GALNT14: variants seen among roughly 807,000 people sequenced by gnomAD.
GALNT14 encodes the protein UDP-GalNAc:polypeptide N-acetylgalactosaminyltransferase 14.
GALNT14 carries 60 observed loss-of-function variants against 77.5 expected under a neutral mutation model. The ratio of observed to expected loss-of-function variants is 0.77; its 90% confidence interval spans 0.63 to 0.96. The LOEUF (loss-of-function observed/expected upper bound fraction) is 0.96. GALNT14 is among the 40% of genes least tolerant of loss of function. GALNT14 has a pLI of 0.00. For missense variants in GALNT14, 710 were observed against 731.0 expected (o/e 0.97, Z 0.33); for synonymous variants, 280 against 281.7 (o/e 0.99, Z 0.06).
chr2:31,021,408 A>G (rs1671709942), intron 1 of GALNT14, among the ~76,000 whole-genome samples: 1 of 151,612 alleles, frequency 6.6e-6, no homozygotes, highest in Non-Finnish European at 1.5e-5. Flanking sequence ...GGGTTCAAGC[A>G]ATTCTCCTGC....
chr2:31,132,553 G>A (rs1453729213), intron 1 of GALNT14: 8 of 364,702 alleles, frequency 2.2e-5, no homozygotes, highest in African/African-American at 2.1e-5. Flanking sequence ...GCTACTTCTG[G>A]TCATGCCAGA....
intron 1 of GALNT14, among the ~76,000 whole-genome samples, chr2:31,035,093 T>C (rs1041897582): frequency 2.0e-5 from 3 of 152,238 alleles, no homozygotes; most frequent in Non-Finnish European, 4.4e-5. Flanking sequence ...GTTCTATAAG[T>C]ATCTATTAGG....
rs72854891 is a variant in GALNT14, at chr2:31,078,620, C to A, written c.129+59338G>T. Among the ~76,000 whole-genome samples, 1,115 of 152,340 alleles carry A rather than the reference C, an allele frequency of 7.3e-3. 10 individuals are homozygous for A. Among genetic ancestry groups the A allele is most frequent in the African/African-American group, 0.025 (1,056 of 41,588 alleles). The stretch of plus-strand genomic sequence containing the variant: ...TCAATCCCATTCACCTTGTGCTGTG[C>A]CTGGCTGATGTGAGCTGTCTTGAGG... On this transcript the variant is annotated intron_variant, in intron 1 of 14. Coordinates refer to ENST00000349752, the MANE Select transcript of GALNT14 (RefSeq NM_024572.4).
intron 13 of GALNT14, among the ~76,000 whole-genome samples, chr2:30,923,056 CTTTTTTTT>C (rs56163710): frequency 2.5e-4 from 29 of 116,536 alleles, no homozygotes; most frequent in African/African-American, 9.4e-4. Context: ...ACAAACGTGC[CTTTTTTTT>C]TTTTTTTTTT....
chr2:31,132,098 G>A (rs887853956), intron 1 of GALNT14, among the ~76,000 whole-genome samples: 1 of 152,140 alleles, frequency 6.6e-6, no homozygotes, highest in African/African-American at 2.4e-5. Flanking sequence ...CTGGGACAGG[G>A]CCTCCTGCAG....
intron 1 of GALNT14, among the ~76,000 whole-genome samples, chr2:31,050,634 G>C (rs1477666946): frequency 6.6e-6 from 1 of 152,174 alleles, no homozygotes; most frequent in Non-Finnish European, 1.5e-5. Context: ...ATCTGTGCTG[G>C]TGTTTTACTT....
intron 1 of GALNT14, among the ~76,000 whole-genome samples, chr2:31,108,414 TC>T (rs2148622001): frequency 6.6e-6 from 1 of 152,354 alleles, no homozygotes; most frequent in East Asian, 1.9e-4. Context: ...CGTCACCCGC[TC>T]AATTACACAG....
chr2:30,953,991 G>A (rs1237725979), intron 6 of GALNT14, among the ~76,000 whole-genome samples: 1 of 152,194 alleles, frequency 6.6e-6, no homozygotes, highest in Non-Finnish European at 1.5e-5. Context: ...GCTATTAGGG[G>A]AGGCAGAGGA....
At chr2:30,959,328 C>A (rs911410632) in intron 3 of GALNT14, among the ~76,000 whole-genome samples, 1 of 152,186 alleles carries the variant, frequency 6.6e-6, no homozygotes, top group Admixed American at 6.5e-5. Flanking sequence ...AGGGAAATAT[C>A]CCAGGGCAAG....
chr2:30,910,750 G>C lies in GALNT14; in HGVS notation c.*151C>G. On this transcript the variant is annotated 3_prime_UTR_variant, in exon 15 of 15. Coordinates refer to ENST00000349752, the MANE Select transcript of GALNT14 (RefSeq NM_024572.4). ...TGTGATGTTTTCCTCTGTCCTCCCT[G>C]AGACAGTTGCTCCTGTCCTGGGGGG... 1 of 733,122 alleles carries C rather than the reference G, an allele frequency of 1.4e-6. No individual in the cohort carries two copies. The highest frequency in any genetic ancestry group is 1.8e-5 in the African/African-American group (1 of 56,250). 45.4% of individuals were successfully genotyped at this position (733,122 alleles called of 1,614,324 possible).
chr2:30,969,243 C>T (rs1036115678), intron 2 of GALNT14, among the ~76,000 whole-genome samples: 2 of 152,202 alleles, frequency 1.3e-5, no homozygotes, highest in African/African-American at 2.4e-5. Flanking sequence ...TGTCCAATGG[C>T]CAGGCCTGAA....
At chr2:30,963,454 C>A (rs1243383870) in intron 3 of GALNT14, among the ~76,000 whole-genome samples, 1 of 152,168 alleles carries the variant, frequency 6.6e-6, no homozygotes, top group Non-Finnish European at 1.5e-5. Context: ...ATCATTAATA[C>A]CACATAGAGG....
rs76456022 is a variant in GALNT14, at chr2:30,953,204, G to A, written c.654+2414C>T. ...ACTCACAGGCAGAAAGACATTTTTGGGGAGGTAAAGGTTCCTGCTGCGGAG... is the reference window on the plus strand; with the variant it reads ...ACTCACAGGCAGAAAGACATTTTTGAGGAGGTAAAGGTTCCTGCTGCGGAG... On this transcript the variant is annotated intron_variant, in intron 6 of 14. Coordinates refer to ENST00000349752, the MANE Select transcript of GALNT14 (RefSeq NM_024572.4). 8.7e-3 allele frequency among the ~76,000 whole-genome samples: 1,317 copies of A among 152,220 alleles called. 4 individuals carry two copies. Among genetic ancestry groups the A allele is most frequent in the Non-Finnish European group, 0.014 (948 of 68,010 alleles).
intron 2 of GALNT14, among the ~76,000 whole-genome samples, chr2:30,990,681 T>C (rs933319368): frequency 1.4e-4 from 22 of 152,232 alleles, no homozygotes; most frequent in Non-Finnish European, 4.4e-5. Context: ...TATCCCTAGA[T>C]GGCTGCTGGT....
chr2:31,050,207 T>C (rs368361408), intron 1 of GALNT14, among the ~76,000 whole-genome samples: 1 of 152,234 alleles, frequency 6.6e-6, no homozygotes, highest in Non-Finnish European at 1.5e-5. Flanking sequence ...TCGCTAAACC[T>C]GAAGCATCAG....
intron 1 of GALNT14, among the ~76,000 whole-genome samples, chr2:31,091,738 G>A (rs1000915): frequency 1.2e-4 from 18 of 152,212 alleles, no homozygotes; most frequent in Admixed American, 1.1e-3. Flanking sequence ...CTAACAGGGT[G>A]GAAGGGATAA....
At chr2:30,971,660 C>T (rs1668363437) in intron 2 of GALNT14, among the ~76,000 whole-genome samples, 1 of 152,134 alleles carries the variant, frequency 6.6e-6, no homozygotes, top group Non-Finnish European at 1.5e-5. Context: ...AAAATGCTTC[C>T]AGGAAAGTGC....
chr2:30,889,179 C>G, the GALNT14 span, among the ~76,000 whole-genome samples: 1 of 152,068 alleles, frequency 6.6e-6, no homozygotes, highest in East Asian at 1.9e-4. Context: ...GCAGCACGAC[C>G]AAAATAAAGG....
At chr2:30,923,114 G>A (rs1665137932) in intron 13 of GALNT14, among the ~76,000 whole-genome samples, 1 of 147,692 alleles carries the variant, frequency 6.8e-6, no homozygotes, top group Non-Finnish European at 1.5e-5. Context: ...CTGGGCTGGA[G>A]TGCAATGGTG....
Sources: allele counts gnomAD v4.1 joint callset (sites outside exome capture counted in the v4.1 genomes callset), GRCh38; gene constraint gnomAD v4.1.1; transcripts MANE v1.5; gene names NCBI Gene and HGNC (gene_info 2026-07-23, HGNC 2026-07-21).